Variants in ASAP1 observed in about 807,000 individuals in gnomAD.
The protein encoded by ASAP1 is ArfGAP with SH3 domain, ankyrin repeat and PH domain 1, also known as arf-GAP with SH3 domain, ANK repeat and PH domain-containing protein 1.
In ASAP1, 43 loss-of-function variants were observed where a neutral mutation model predicts 145.2. The ratio of observed to expected loss-of-function variants is 0.30; its 90% CI spans 0.23 to 0.38. The LOEUF is 0.38. Among genes scored for constraint, ASAP1 ranks in the 10% least tolerant of loss-of-function variants. The pLI is 1.00. For missense variants in ASAP1, 1,018 were observed against 1,355.3 expected, an observed-to-expected ratio of 0.75 and a Z score of 3.91; for synonymous variants, 546 against 515.5, an observed-to-expected ratio of 1.06 and a Z score of -0.80.
chr8:130,229,457 A>T (rs932710273), intron 4 of ASAP1, among the ~76,000 whole-genome samples: 4 of 152,230 alleles, frequency 2.6e-5, no homozygotes, highest in Non-Finnish European at 4.4e-5. Flanking sequence ...AATAGGAGGC[A>T]GCAAGATATA....
At chr8:130,112,069 C>T in intron 24 of ASAP1, 25 bp downstream of exon 24, 1 of 1,597,866 alleles carries the variant, frequency 6.3e-7, no homozygotes, top group Non-Finnish European at 8.6e-7. Context: ...AGGATGGAGT[C>T]ACAAGCCCTT....
At position 130,057,995 on chromosome 8, in the gene ASAP1, C is replaced by T. The variant is rs1465099580; in HGVS notation, c.3274G>A (p.Glu1092Lys). 6.2e-7 allele frequency: 1 copy of T among 1,614,240 alleles called. No homozygotes were observed. Among genetic ancestry groups the T allele is most frequent in the Non-Finnish European group, 8.5e-7 (1 of 1,180,036 alleles). ...TCTTCCCCTGTGACGATAATCACTTCTCCCTCGATGAATGTGAGCTCGTCA... is the reference window on the plus strand; with the variant it reads ...TCTTCCCCTGTGACGATAATCACTTTTCCCTCGATGAATGTGAGCTCGTCA... ...NDDELTFIEG[E>K]VIIVTGEEDQ... The change falls in exon 29 of 30, where the codon GAA (glutamate) becomes AAA (lysine). Residue 1092 changes from glutamate to lysine, a missense_variant. By Grantham distance (56) the Glu-to-Lys change is moderately conservative. Transcript: ENST00000518721.
intron 3 of ASAP1, among the ~76,000 whole-genome samples, chr8:130,292,513 A>C (rs2137315819): frequency 6.6e-6 from 1 of 152,300 alleles, no homozygotes; most frequent in East Asian, 1.9e-4. Flanking sequence ...AGGAGGAGGG[A>C]AATGGCTTGC....
chr8:130,431,734 G>C (rs1378871676), intron 1 of ASAP1, among the ~76,000 whole-genome samples: 2 of 152,032 alleles, frequency 1.3e-5, no homozygotes, highest in Admixed American at 1.3e-4. Context: ...ATTCATATGA[G>C]AGGTTCCAGG....
chr8:130,188,384 G>A (rs1814888416), intron 5 of ASAP1, among the ~76,000 whole-genome samples: 1 of 152,292 alleles, frequency 6.6e-6, no homozygotes, highest in Non-Finnish European at 1.5e-5. Context: ...GGGAACAGAG[G>A]TGGAGTCATT....
At chr8:130,202,602 T>G (rs1815936332) in intron 5 of ASAP1, among the ~76,000 whole-genome samples, 1 of 152,232 alleles carries the variant, frequency 6.6e-6, no homozygotes, top group African/African-American at 2.4e-5. Flanking sequence ...GAAAACAGTC[T>G]CTGCTAGCTT....
chr8:130,138,836 C>CA (rs754901058), intron 13 of ASAP1, among the ~76,000 whole-genome samples: 14,723 of 81,226 alleles, frequency 0.18, 953 homozygotes, highest in Admixed American at 0.23. Context: ...AACTCCGTCT[C>CA]AAAAAAAAAA....
At chr8:130,158,383 C>A (rs944959778) in intron 12 of ASAP1, among the ~76,000 whole-genome samples, 1 of 149,928 alleles carries the variant, frequency 6.7e-6, no homozygotes, top group Non-Finnish European at 1.5e-5. Context: ...GGCATGGTGG[C>A]ATGTGCCTAT....
chr8:130,069,301 T>C (rs1352416650), intron 27 of ASAP1, among the ~76,000 whole-genome samples: 1 of 152,188 alleles, frequency 6.6e-6, no homozygotes, highest in East Asian at 1.9e-4. Flanking sequence ...AGTGGCGTGA[T>C]CTTAGCTCAT....
At chr8:130,070,814 GGAGAGA>G (rs1305410645) in intron 27 of ASAP1, among the ~76,000 whole-genome samples, 1 of 72,582 alleles carries the variant, frequency 1.4e-5, no homozygotes, top group African/African-American at 6.0e-5. Context: ...CTCCTTGAGG[GGAGAGA>G]GGGAGAGAGG....
chr8:130,140,063 C>T (rs1264333781), intron 13 of ASAP1, among the ~76,000 whole-genome samples: 4 of 146,202 alleles, frequency 2.7e-5, no homozygotes, highest in Admixed American at 6.8e-5. Flanking sequence ...GATAGGGTCT[C>T]GCTTTGTCGG....
intron 24 of ASAP1, among the ~76,000 whole-genome samples, chr8:130,108,844 C>A (rs557071984): frequency 3.0e-5 from 4 of 132,540 alleles, no homozygotes; most frequent in Non-Finnish European, 6.1e-5. Flanking sequence ...GGCACAATCT[C>A]GGCTCACCAC....
At chr8:130,116,157 T>G (rs2097555499) in intron 22 of ASAP1, among the ~76,000 whole-genome samples, 1 of 152,214 alleles carries the variant, frequency 6.6e-6, no homozygotes, top group Non-Finnish European at 1.5e-5. Context: ...AAGGCCCAAC[T>G]GGTGGGCCTG....
At chr8:130,309,833 T>C (rs1823223116) in intron 3 of ASAP1, among the ~76,000 whole-genome samples, 1 of 152,148 alleles carries the variant, frequency 6.6e-6, no homozygotes, top group Admixed American at 6.5e-5. Flanking sequence ...CTCCCAACCA[T>C]GTCCACAAAA....
rs77537976 is a variant in ASAP1, at chr8:130,134,162, C to T, written c.1217+134G>A. On this transcript the variant is annotated intron_variant, in intron 15 of 29. Coordinates refer to ENST00000518721, the MANE Select transcript of ASAP1 (RefSeq NM_018482.4). The stretch of plus-strand genomic sequence containing the variant: ...CAGAGAGAAGAGCAACATGTGATGG[C>T]CCACAGGCGGGAAAGAAGCATGGAG... The T allele has an allele frequency of 1.7e-5, 10 of 585,392 alleles. No individual in the cohort carries two copies. The East Asian group carries it at 2.9e-4, about 17-fold the overall frequency. The allele number at this position is 585,392 out of a possible 1,614,324, so 36.3% of individuals were successfully genotyped here.
At chr8:130,251,919 C>CT (rs1363895989) in intron 3 of ASAP1, among the ~76,000 whole-genome samples, 1 of 152,108 alleles carries the variant, frequency 6.6e-6, no homozygotes, top group Admixed American at 6.6e-5. Flanking sequence ...ACAAACCATA[C>CT]AGAAGACAAA....
chr8:130,349,170 C>G (rs1825857154), intron 3 of ASAP1, among the ~76,000 whole-genome samples: 2 of 152,226 alleles, frequency 1.3e-5, no homozygotes, highest in African/African-American at 4.8e-5. Context: ...AGTTGACAGT[C>G]TGCTTCAGAT....
chr8:130,179,765 A>C (rs1586530908), intron 8 of ASAP1, among the ~76,000 whole-genome samples: 1 of 152,308 alleles, frequency 6.6e-6, no homozygotes, highest in Admixed American at 6.5e-5. Flanking sequence ...GTGAATCAGA[A>C]AGAATTTTTA....
intron 13 of ASAP1, 24 bp downstream of exon 13, chr8:130,152,712 G>A: frequency 6.3e-7 from 1 of 1,582,888 alleles, no homozygotes; most frequent in Non-Finnish European, 8.7e-7. Flanking sequence ...CCATGAGGCA[G>A]GGTAAATTAA....
Sources: allele counts gnomAD v4.1 joint callset (sites outside exome capture counted in the v4.1 genomes callset), GRCh38; gene constraint gnomAD v4.1.1; transcripts MANE v1.5; gene names NCBI Gene and HGNC (gene_info 2026-07-23, HGNC 2026-07-21).